Variants in ENTREP2 observed in about 807,000 individuals in gnomAD.
The protein encoded by ENTREP2 is endosomal transmembrane epsin interactor 2.
At chr15:29,510,554 C>G in the ENTREP2 span, among the ~76,000 whole-genome samples, 4 of 151,432 alleles carry the variant, frequency 2.6e-5, no homozygotes, top group African/African-American at 4.9e-5. Flanking sequence ...CACCTGTAAT[C>G]CAGTACTTTG....
chr15:29,269,127 G>T, the ENTREP2 span: 6 of 1,614,170 alleles, frequency 3.7e-6, no homozygotes, highest in South Asian at 6.6e-5. Context: ...CAGTTTCCTT[G>T]ATGGTGTTGC....
chr15:29,307,816 C>T, the ENTREP2 span, among the ~76,000 whole-genome samples: 8 of 152,134 alleles, frequency 5.3e-5, no homozygotes, highest in East Asian at 1.9e-4. Context: ...CAAGTCCTCA[C>T]GAGAACCAGA....
At chr15:29,153,269 A>G in the ENTREP2 span, among the ~76,000 whole-genome samples, 705 of 152,166 alleles carry the variant, frequency 4.6e-3, 4 homozygotes, top group African/African-American at 0.016. Flanking sequence ...CATGTTTCAC[A>G]TAGAGTCTTA....
chr15:29,512,725 C>T, the ENTREP2 span, among the ~76,000 whole-genome samples: 1 of 152,246 alleles, frequency 6.6e-6, no homozygotes, highest in Non-Finnish European at 1.5e-5. Flanking sequence ...TGGGACTTCT[C>T]AGCCTCCAGA....
chr15:29,327,360 C>G, the ENTREP2 span, among the ~76,000 whole-genome samples: 2 of 151,932 alleles, frequency 1.3e-5, no homozygotes, highest in Non-Finnish European at 2.9e-5. Flanking sequence ...TTTGGGAGGC[C>G]GAGGTGGGAG....
the ENTREP2 span, among the ~76,000 whole-genome samples, chr15:29,341,806 A>G: frequency 6.6e-6 from 1 of 152,184 alleles, no homozygotes; most frequent in Non-Finnish European, 1.5e-5. Context: ...GAAACCGTGG[A>G]AAGTTACAGA....
chr15:29,665,726 T>G, the ENTREP2 span, among the ~76,000 whole-genome samples: 1 of 152,256 alleles, frequency 6.6e-6, no homozygotes, highest in African/African-American at 2.4e-5. Flanking sequence ...CGTAATGATT[T>G]TTTTTCCTGC....
the ENTREP2 span, among the ~76,000 whole-genome samples, chr15:29,159,955 G>C: frequency 6.6e-6 from 1 of 152,286 alleles, no homozygotes; most frequent in African/African-American, 2.4e-5. Flanking sequence ...GTATGGGATT[G>C]GGTGCCATGG....
chr15:29,212,204 G>C, the ENTREP2 span, among the ~76,000 whole-genome samples: 1 of 152,116 alleles, frequency 6.6e-6, no homozygotes, highest in African/African-American at 2.4e-5. Context: ...CTTACGCTAG[G>C]AGGGTTGTAT....
the ENTREP2 span, among the ~76,000 whole-genome samples, chr15:29,602,270 T>C: frequency 1.3e-5 from 2 of 152,184 alleles, no homozygotes; most frequent in Non-Finnish European, 2.9e-5. Flanking sequence ...GAAAAAATAC[T>C]CGATAAATAT....
the ENTREP2 span, among the ~76,000 whole-genome samples, chr15:29,667,257 G>A: frequency 6.7e-6 from 1 of 150,188 alleles, no homozygotes; most frequent in Non-Finnish European, 1.5e-5. Context: ...GCGGGATCTT[G>A]GCTCACTGCA....
At chr15:29,337,727 G>A in the ENTREP2 span, among the ~76,000 whole-genome samples, 2 of 152,130 alleles carry the variant, frequency 1.3e-5, no homozygotes, top group Non-Finnish European at 2.9e-5. Context: ...GGTCCTGCCT[G>A]GGCTCTTTAC....
At chr15:29,463,827 C>G in the ENTREP2 span, among the ~76,000 whole-genome samples, 1 of 152,104 alleles carries the variant, frequency 6.6e-6, no homozygotes, top group African/African-American at 2.4e-5. Context: ...AATGGCAGAA[C>G]AGATATACAA....
chr15:29,451,671 G>A, the ENTREP2 span, among the ~76,000 whole-genome samples: 1 of 152,182 alleles, frequency 6.6e-6, no homozygotes, highest in Admixed American at 6.5e-5. Flanking sequence ...GAGGAATTAA[G>A]ACTGCAGGCA....
chr15:29,260,741 TCTA>T, the ENTREP2 span, among the ~76,000 whole-genome samples: 3 of 96,600 alleles, frequency 3.1e-5, no homozygotes, highest in Non-Finnish European at 4.7e-5. Flanking sequence ...ACCTCATCTT[TCTA>T]CTTTCACGTT....
the ENTREP2 span, among the ~76,000 whole-genome samples, chr15:29,485,706 T>C: frequency 4.6e-5 from 7 of 152,144 alleles, no homozygotes; most frequent in African/African-American, 1.7e-4. Flanking sequence ...AGGATCTGAA[T>C]AGACATTTTT....
the ENTREP2 span, chr15:29,151,711 G>C: frequency 1.3e-4 from 194 of 1,524,776 alleles, 1 homozygote; most frequent in African/African-American, 2.5e-3. Context: ...CCGCGCAGAG[G>C]AGGAGGGGAT....
chr15:29,403,624 T>C, the ENTREP2 span, among the ~76,000 whole-genome samples: 1 of 152,308 alleles, frequency 6.6e-6, no homozygotes, highest in Admixed American at 6.5e-5. Flanking sequence ...TTCCAAATCA[T>C]TATGAATAAA....
At chr15:29,121,062 G>A in the ENTREP2 span, 1 of 152,438 alleles carries the variant, frequency 6.6e-6, no homozygotes, top group African/African-American at 2.4e-5. Context: ...CGAAGGGGCA[G>A]AAGGTTCCAG....
Sources: allele counts gnomAD v4.1 joint callset (sites outside exome capture counted in the v4.1 genomes callset), GRCh38; gene constraint gnomAD v4.1.1; transcripts MANE v1.5; gene names NCBI Gene and HGNC (gene_info 2026-07-23, HGNC 2026-07-21).